THSD7B: variants seen among roughly 807,000 people sequenced by gnomAD.
The protein encoded by THSD7B is thrombospondin type 1 domain containing 7B, also known as thrombospondin type-1 domain-containing protein 7B.
THSD7B carries 138 observed loss-of-function variants against 213.6 expected under a neutral mutation model. That is an observed-to-expected ratio of 0.65 (90% CI 0.56 to 0.74). The LOEUF is 0.74. THSD7B is among the 30% of genes least tolerant of loss of function. The pLI is 0.00. For missense variants in THSD7B, 1,931 were observed against 1,991.5 expected, an observed-to-expected ratio of 0.97 and a Z score of 0.58; for synonymous variants, 742 against 687.0, an observed-to-expected ratio of 1.08 and a Z score of -1.25.
chr2:137,120,953 A>G (rs1432214), intron 5 of THSD7B, among the ~76,000 whole-genome samples: 119,801 of 152,146 alleles, frequency 0.79, 47,435 homozygotes, highest in African/African-American at 0.81. Flanking sequence ...CTCTCTAAAA[A>G]TATAATGCTG....
At chr2:137,521,683 C>G (rs1344943813) in intron 15 of THSD7B, among the ~76,000 whole-genome samples, 1 of 152,184 alleles carries the variant, frequency 6.6e-6, no homozygotes, top group African/African-American at 2.4e-5. Flanking sequence ...AAAGCCACTT[C>G]TGGTAGATCA....
intron 2 of THSD7B, among the ~76,000 whole-genome samples, chr2:137,027,530 T>A (rs1179862071): frequency 6.6e-6 from 1 of 152,180 alleles, no homozygotes; most frequent in African/African-American, 2.4e-5. Context: ...CATGAGGAGC[T>A]GAAACGAAAG....
chr2:137,421,476 A>G (rs1037702010), intron 14 of THSD7B, among the ~76,000 whole-genome samples: 4 of 152,154 alleles, frequency 2.6e-5, no homozygotes, highest in African/African-American at 9.7e-5. Context: ...AGTTACTTAC[A>G]TTTATTGGCT....
chr2:137,268,224 T>C (rs1176996215), intron 10 of THSD7B, among the ~76,000 whole-genome samples: 2 of 152,156 alleles, frequency 1.3e-5, no homozygotes, highest in East Asian at 3.9e-4. Context: ...TAAGTAAGTA[T>C]ACATGTGCCA....
At chr2:137,514,535 A>G (rs1245591699) in intron 15 of THSD7B, among the ~76,000 whole-genome samples, 1 of 152,212 alleles carries the variant, frequency 6.6e-6, no homozygotes, top group Non-Finnish European at 1.5e-5. Context: ...ACTCCCCTTT[A>G]TATATATCTA....
intron 5 of THSD7B, among the ~76,000 whole-genome samples, chr2:137,148,446 G>T (rs1192758685): frequency 5.3e-5 from 8 of 152,150 alleles, no homozygotes; most frequent in Non-Finnish European, 7.3e-5. Flanking sequence ...TTCAGGAGAG[G>T]TTAGAACAGT....
chr2:137,381,204 T>C (rs1685765888), intron 12 of THSD7B, among the ~76,000 whole-genome samples: 1 of 152,090 alleles, frequency 6.6e-6, no homozygotes, highest in African/African-American at 2.4e-5. Context: ...ATTGCTCAGA[T>C]GGGCTCTGGT....
chr2:137,282,680 G>C (rs907632094), intron 12 of THSD7B, among the ~76,000 whole-genome samples: 1 of 152,104 alleles, frequency 6.6e-6, no homozygotes, highest in Non-Finnish European at 1.5e-5. Context: ...CCCATTGCTT[G>C]TTTTTGTCAG....
chr2:137,412,639 T>C (rs569204069), intron 14 of THSD7B, among the ~76,000 whole-genome samples: 1 of 142,948 alleles, frequency 7.0e-6, no homozygotes, highest in South Asian at 2.2e-4. Flanking sequence ...AGTTTTACTA[T>C]ATAAAGTATA....
intron 15 of THSD7B, chr2:137,538,561 C>T: frequency 2.0e-6 from 1 of 493,606 alleles, no homozygotes; most frequent in East Asian, 5.7e-5. Flanking sequence ...TGATGTTTTC[C>T]TTCACAAACC....
intron 15 of THSD7B, among the ~76,000 whole-genome samples, chr2:137,485,813 A>G (rs1236746844): frequency 2.6e-5 from 4 of 152,212 alleles, no homozygotes; most frequent in Non-Finnish European, 2.9e-5. Context: ...GAAACTCTAC[A>G]AGCCAGAAGA....
At chr2:136,944,779 T>G (rs1684903442) in intron 2 of THSD7B, among the ~76,000 whole-genome samples, 1 of 151,888 alleles carries the variant, frequency 6.6e-6, no homozygotes, top group Non-Finnish European at 1.5e-5. Flanking sequence ...GAGCCTAGTG[T>G]TTCTTTGCAT....
intron 12 of THSD7B, among the ~76,000 whole-genome samples, chr2:137,402,383 C>A (rs930059160): frequency 1.3e-5 from 2 of 152,042 alleles, no homozygotes; most frequent in Non-Finnish European, 2.9e-5. Flanking sequence ...TCTGGAAATG[C>A]AGTGTATTCT....
intron 15 of THSD7B, among the ~76,000 whole-genome samples, chr2:137,458,936 C>T (rs1405068183): frequency 6.6e-6 from 1 of 151,272 alleles, no homozygotes. Flanking sequence ...ATTCATGTTG[C>T]TCTGATAGGG....
chr2:136,860,939 C>A (rs551135372), intron 1 of THSD7B, among the ~76,000 whole-genome samples: 1 of 152,368 alleles, frequency 6.6e-6, no homozygotes, highest in East Asian at 1.9e-4. Context: ...TTCAGTGCCT[C>A]AGGACATCAG....
At chr2:136,792,089 G>T (rs1681974944) in intron 1 of THSD7B, among the ~76,000 whole-genome samples, 1 of 151,962 alleles carries the variant, frequency 6.6e-6, no homozygotes, top group South Asian at 2.1e-4. Flanking sequence ...ATCTCATTGT[G>T]CTTTTAATTT....
rs545780980 is a variant in THSD7B at position 137,295,589 on chromosome 2, C to T, written c.2500+19563C>T. Among the ~76,000 whole-genome samples the T allele has an allele frequency of 4.6e-5, 7 of 152,216 alleles. No individual in the cohort carries two copies. In the East Asian group the frequency reaches 9.7e-4, roughly 21 times the overall value. ...CTCCCTGGTTCAAGCAATTCTCCTGCCTCAGTTTCCTGAGTAGCTGGGATT... is the reference window on the plus strand; with the variant it reads ...CTCCCTGGTTCAAGCAATTCTCCTGTCTCAGTTTCCTGAGTAGCTGGGATT... On this transcript the variant is annotated intron_variant, in intron 12 of 27. Transcript: ENST00000409968.
At position 136,890,300 on chromosome 2, in the gene THSD7B, A is replaced by ACTCCTCCTCTTCTTCTTCTT. The variant is rs1558839719; in HGVS notation, c.139+7988_139+7989insCCTCTTCTTCTTCTTCTCCT. On this transcript the variant is annotated intron_variant, in intron 2 of 27. Coordinates refer to ENST00000409968, the MANE Select transcript of THSD7B (RefSeq NM_001316349.2). Reference sequence around the variant, plus strand: ...CATTGCTCATTCATGTCCATGTCCTACTCCTTCTTCTTCTTCTTCTTCTTC... The same window carrying ACTCCTCCTCTTCTTCTTCTT: ...CATTGCTCATTCATGTCCATGTCCTACTCCTCCTCTTCTTCTTCTTCTCCTTCTTCTTCTTCTTCTTCTTC... 8.8e-3 allele frequency among the ~76,000 whole-genome samples: 6 copies of ACTCCTCCTCTTCTTCTTCTT among 680 alleles called. 1 individual carries two copies. Among genetic ancestry groups the ACTCCTCCTCTTCTTCTTCTT allele is most frequent in the African/African-American group, 0.02 (4 of 196 alleles). The allele number at this position is 680 out of a possible 152,430, so 0.4% of individuals were successfully genotyped here.
At chr2:137,402,167 C>G (rs1686381456) in intron 12 of THSD7B, among the ~76,000 whole-genome samples, 1 of 152,124 alleles carries the variant, frequency 6.6e-6, no homozygotes, top group Admixed American at 6.5e-5. Flanking sequence ...TTTTTATAGT[C>G]TTGTGATACT....
Sources: allele counts gnomAD v4.1 joint callset (sites outside exome capture counted in the v4.1 genomes callset), GRCh38; gene constraint gnomAD v4.1.1; transcripts MANE v1.5; gene names NCBI Gene and HGNC (gene_info 2026-07-23, HGNC 2026-07-21).